MAN1A1: variants seen among roughly 807,000 people sequenced by gnomAD.
MAN1A1 encodes mannosyl-oligosaccharide 1,2-alpha-mannosidase IA.
In MAN1A1, 29 loss-of-function variants were observed where a neutral mutation model predicts 70.8. The observed-to-expected ratio is 0.41, with a 90% confidence interval of 0.31 to 0.56. The LOEUF is 0.56. MAN1A1 is among the 20% of genes least tolerant of loss of function. The pLI, the probability that MAN1A1 is intolerant of heterozygous loss-of-function variation, is 0.29. For synonymous variants in MAN1A1, 349 were observed against 330.1 expected (o/e 1.06, Z -0.62); for missense variants, 747 against 841.3 (o/e 0.89, Z 1.39).
chr6:119,329,456 C>T (rs762395769), intron 2 of MAN1A1, among the ~76,000 whole-genome samples: 1 of 97,450 alleles, frequency 1.0e-5, no homozygotes. Context: ...TAATAAATAT[C>T]CCCCCCCCAC....
chr6:119,235,113 T>C lies in MAN1A1; in HGVS notation c.992+13147A>G, dbSNP rs557023884. On this transcript the variant is annotated intron_variant, in intron 6 of 12. Transcript: ENST00000368468. ...CATTTCTCTTCCTCTCCTCAGGACCTTCCATTCCTTGAGATACTACAATAT... is the reference window on the plus strand; with the variant it reads ...CATTTCTCTTCCTCTCCTCAGGACCCTCCATTCCTTGAGATACTACAATAT... Among the ~76,000 whole-genome samples the C allele has an allele frequency of 7.8e-4, 119 of 152,284 alleles. 1 individual carries two copies. Among genetic ancestry groups the C allele is most frequent in the South Asian group, 3.1e-3 (15 of 4,812 alleles).
chr6:119,244,202 A>T (rs895677732), intron 6 of MAN1A1, among the ~76,000 whole-genome samples: 5 of 152,098 alleles, frequency 3.3e-5, no homozygotes, highest in Non-Finnish European at 5.9e-5. Context: ...TCACAGAGGT[A>T]ATTTTTCTGC....
chr6:119,238,561 C>G (rs954433688), intron 6 of MAN1A1, among the ~76,000 whole-genome samples: 5 of 152,078 alleles, frequency 3.3e-5, no homozygotes, highest in Non-Finnish European at 7.4e-5. Flanking sequence ...TGCACAGGGT[C>G]TGTTTATTAA....
intron 7 of MAN1A1, 133 bp downstream of exon 7, chr6:119,204,626 T>A: frequency 9.0e-7 from 1 of 1,105,618 alleles, no homozygotes; most frequent in Non-Finnish European, 1.3e-6. Context: ...ATGCTGCATG[T>A]TGCAAAACTT....
chr6:119,308,230 C>T (rs1181905399), intron 2 of MAN1A1, among the ~76,000 whole-genome samples: 1 of 152,138 alleles, frequency 6.6e-6, no homozygotes. Context: ...GGGTTCATCT[C>T]CAAGCTAGCC....
intron 4 of MAN1A1, among the ~76,000 whole-genome samples, chr6:119,291,298 C>T (rs1370804702): frequency 1.3e-5 from 2 of 152,112 alleles, no homozygotes; most frequent in South Asian, 2.1e-4. Context: ...GATTGTGAGG[C>T]CTCCCCAGCC....
chr6:119,214,127 G>A (rs1774130253), intron 6 of MAN1A1, among the ~76,000 whole-genome samples: 1 of 152,024 alleles, frequency 6.6e-6, no homozygotes, highest in East Asian at 1.9e-4. Context: ...ACAGCACCTG[G>A]CTTAATTTTT....
intron 5 of MAN1A1, among the ~76,000 whole-genome samples, chr6:119,266,826 G>C (rs938926397): frequency 6.6e-6 from 1 of 151,996 alleles, no homozygotes. Context: ...GAGAAAATTT[G>C]CAAAACATGT....
At chr6:119,306,723 T>C (rs1202805171) in intron 3 of MAN1A1, among the ~76,000 whole-genome samples, 173 bp downstream of exon 3, 8 of 152,190 alleles carry the variant, frequency 5.3e-5, no homozygotes, top group African/African-American at 1.9e-4. Context: ...ACATAGCCAC[T>C]ACTCTAGCTG....
chr6:119,202,664 T>C lies in MAN1A1; in HGVS notation c.1117-1317A>G, dbSNP rs1330753619. On this transcript the variant is annotated intron_variant, in intron 7 of 12. Coordinates refer to ENST00000368468, the MANE Select transcript of MAN1A1 (RefSeq NM_005907.4). ...GTAAGTAACGCATTGCACTACGACA[T>C]TATGACAACTATGATGTCACAAGGC... Among the ~76,000 whole-genome samples, 7 of 152,210 alleles carry C rather than the reference T, an allele frequency of 4.6e-5. No homozygotes were observed. In the South Asian group the frequency reaches 1.4e-3, roughly 32 times the overall value.
chr6:119,210,407 G>A (rs2114956430), intron 6 of MAN1A1, among the ~76,000 whole-genome samples: 1 of 152,134 alleles, frequency 6.6e-6, no homozygotes, highest in East Asian at 1.9e-4. Context: ...GTATTTAGAT[G>A]GGCATGCATA....
chr6:119,294,539 C>T (rs1402310219), intron 4 of MAN1A1, among the ~76,000 whole-genome samples: 1 of 151,832 alleles, frequency 6.6e-6, no homozygotes, highest in Non-Finnish European at 1.5e-5. Context: ...TCCAGTATGC[C>T]CCATGTATTC....
intron 11 of MAN1A1, 108 bp downstream of exon 11, chr6:119,188,297 C>A: frequency 9.5e-7 from 1 of 1,048,876 alleles, no homozygotes; most frequent in South Asian, 1.6e-5. Flanking sequence ...AAATCCTGGT[C>A]GAAGCATTAA....
intron 6 of MAN1A1, among the ~76,000 whole-genome samples, chr6:119,215,070 G>A (rs1162730936): frequency 1.3e-5 from 2 of 151,950 alleles, no homozygotes; most frequent in African/African-American, 4.8e-5. Flanking sequence ...GAAGGGGGAA[G>A]GATAGCATTA....
intron 6 of MAN1A1, among the ~76,000 whole-genome samples, chr6:119,220,199 T>C (rs1452491014): frequency 6.6e-6 from 1 of 152,254 alleles, no homozygotes; most frequent in Non-Finnish European, 1.5e-5. Flanking sequence ...GGACAATATA[T>C]AAGGTTTGTA....
chr6:119,315,039 T>A (rs1485906525), intron 2 of MAN1A1, among the ~76,000 whole-genome samples: 12 of 152,346 alleles, frequency 7.9e-5, no homozygotes, highest in African/African-American at 2.6e-4. Context: ...CGGGAGCTAA[T>A]GTGGACCAGC....
At chr6:119,311,764 GAGTAACTCTATTATC>G (rs1772713211) in intron 2 of MAN1A1, among the ~76,000 whole-genome samples, 2 of 152,078 alleles carry the variant, frequency 1.3e-5, no homozygotes. Context: ...CAGCATGATG[GAGTAACTCTATTATC>G]AGAAGACCTT....
chr6:119,273,840 G>C (rs1437690285), intron 5 of MAN1A1, among the ~76,000 whole-genome samples: 2 of 152,138 alleles, frequency 1.3e-5, no homozygotes, highest in East Asian at 3.8e-4. Flanking sequence ...CTAAGTGTTG[G>C]TATTTTATTC....
chr6:119,203,346 A>G (rs1773768613), intron 7 of MAN1A1, among the ~76,000 whole-genome samples: 1 of 152,066 alleles, frequency 6.6e-6, no homozygotes, highest in South Asian at 2.1e-4. Flanking sequence ...AGCACTCGGA[A>G]CAGAGAGAGG....
Sources: allele counts gnomAD v4.1 joint callset (sites outside exome capture counted in the v4.1 genomes callset), GRCh38; gene constraint gnomAD v4.1.1; transcripts MANE v1.5; gene names NCBI Gene and HGNC (gene_info 2026-07-23, HGNC 2026-07-21).